The following ZNF737 variants were observed in gnomAD, a reference collection of about 807,000 sequenced individuals.
ZNF737 encodes zinc finger protein 102 (Y3).
Under a neutral mutation model 11.7 loss-of-function variants are expected in ZNF737, and 13 were observed. The observed-to-expected ratio is 1.11, with a 90% CI of 0.73 to 1.77. The LOEUF (loss-of-function observed/expected upper bound fraction) is 1.77. Among genes scored for constraint, ZNF737 ranks in the 40% most tolerant of loss-of-function variants. ZNF737 has a pLI of 0.00. For missense variants in ZNF737, 636 were observed against 638.0 expected (o/e 1.00, Z 0.03); for synonymous variants, 217 against 216.2 (o/e 1.00, Z -0.03).
chr19:20,557,987 A>G (rs1202492970), intron 1 of ZNF737, among the ~76,000 whole-genome samples: 6 of 152,166 alleles, frequency 3.9e-5, no homozygotes, highest in Non-Finnish European at 1.5e-5. Flanking sequence ...TTATATGGCC[A>G]GGAGTGGTGG....
At chr19:20,554,079 G>T (rs571061003) in intron 1 of ZNF737, among the ~76,000 whole-genome samples, 1 of 152,206 alleles carries the variant, frequency 6.6e-6, no homozygotes, top group South Asian at 2.1e-4. Context: ...TAAAATTAAG[G>T]GTATGAACAC....
chr19:20,542,594 T>C lies in ZNF737; in HGVS notation c.*1998A>G. ...AAGTACAAGTAGTAAAGTAATATAC[T>C]CATTTATTTTAATATACTTTTAATT... On this transcript the variant is annotated 3_prime_UTR_variant, in exon 4 of 4. Coordinates refer to ENST00000427401, the MANE Select transcript of ZNF737 (RefSeq NM_001159293.2). 1.0e-6 allele frequency: 1 copy of C among 973,030 alleles called. No individual in the cohort carries two copies. The highest frequency in any genetic ancestry group is 1.2e-6 in the Non-Finnish European group (1 of 818,790). The allele number at this position is 973,030 out of a possible 1,614,324, so 60.3% of individuals were successfully genotyped here.
rs782293368 is a variant in ZNF737 at position 20,540,271 on chromosome 19, T to G, written c.*4321A>C. 8.4e-5 allele frequency: 35 copies of G among 417,936 alleles called. No homozygotes were observed. Among genetic ancestry groups the G allele is most frequent in the Non-Finnish European group, 1.1e-4 (34 of 311,910 alleles). The allele number at this position is 417,936 out of a possible 1,614,324, so 25.9% of individuals were successfully genotyped here. ...TCTTAAAAGCACCTCTGATTAAGTTTAGCACAATCAGGATAATCTCCATTT... is the reference window on the plus strand; with the variant it reads ...TCTTAAAAGCACCTCTGATTAAGTTGAGCACAATCAGGATAATCTCCATTT... On this transcript the variant is annotated 3_prime_UTR_variant, in exon 4 of 4. Transcript: ENST00000427401.
chr19:20,530,411 C>T, the ZNF737 span, among the ~76,000 whole-genome samples: 17 of 148,218 alleles, frequency 1.1e-4, no homozygotes, highest in Admixed American at 9.3e-4. Flanking sequence ...CGGGGGCTGA[C>T]CCCCCACCTC....
rs1555754766 is a variant in ZNF737 at position 20,540,070 on chromosome 19, G to A, written c.*4522C>T. The A allele has an allele frequency of 1.0e-6, 1 of 984,882 alleles. No homozygotes were observed. The highest frequency in any genetic ancestry group is 1.2e-6 in the Non-Finnish European group (1 of 829,786). The allele number at this position is 984,882 out of a possible 1,614,324, so 61.0% of individuals were successfully genotyped here. A position where few individuals can be genotyped will look rare whatever the true frequency, so the allele number is the denominator to read the frequency against. On this transcript the variant is annotated 3_prime_UTR_variant, in exon 4 of 4. Coordinates refer to ENST00000427401, the MANE Select transcript of ZNF737 (RefSeq NM_001159293.2). ...ATGAGATTCCCTTTTTTTTCCCTCT[G>A]CCATAGAATCCTCTTATGTTCCTTA...
rs1968087538 is a variant in ZNF737, at chr19:20,538,946, T to A, written c.*5646A>T. On this transcript the variant is annotated 3_prime_UTR_variant, in exon 4 of 4. Coordinates refer to ENST00000427401, the MANE Select transcript of ZNF737 (RefSeq NM_001159293.2). Reference sequence around the variant, plus strand: ...ATTTACAATCTTCAGTTTTTCAGTGTTAAAGCAAATCAGAGAAGAGCAATG... The same window carrying A: ...ATTTACAATCTTCAGTTTTTCAGTGATAAAGCAAATCAGAGAAGAGCAATG... The A allele has an allele frequency of 1.0e-6, 1 of 985,254 alleles. No individual in the cohort carries two copies. Among genetic ancestry groups the A allele is most frequent in the South Asian group, 4.7e-5 (1 of 21,284 alleles). The allele number at this position is 985,254 out of a possible 1,614,324, so 61.0% of individuals were successfully genotyped here.
Position 20,545,972 on chromosome 19 carries a change from C to T in ZNF737, c.231G>A (p.Thr77=), listed in dbSNP as rs192343901. 1.3e-4 allele frequency: 195 copies of T among 1,539,904 alleles called. 1 individual carries two copies. In the Middle Eastern group the frequency reaches 2.1e-3, roughly 17 times the overall value. ...AAAGATCTCGGGCAAAATGAGAACA[C>T]GTAACTGAAAGAAACAATAAAAGCA... ...KHEMVANPSV[T]CSHFARDLWP... Residue 77 remains threonine (T), a synonymous_variant, in exon 4 of 4, where the codon ACG becomes ACA. Transcript: ENST00000427401.
chr19:20,558,600 CT>C (rs1309376670), intron 1 of ZNF737, among the ~76,000 whole-genome samples: 1 of 152,114 alleles, frequency 6.6e-6, no homozygotes. Flanking sequence ...TACTAGGAAA[CT>C]GGAGAAACTC....
chr19:20,534,742 A>G (rs1967917487), downstream of ZNF737, among the ~76,000 whole-genome samples: 1 of 149,910 alleles, frequency 6.7e-6, no homozygotes, highest in Non-Finnish European at 1.5e-5. Flanking sequence ...TTTTATGCTG[A>G]CCAATTTGAT....
At position 20,543,530 on chromosome 19, in the gene ZNF737, T is replaced by G. The variant is rs540407531; in HGVS notation, c.*1062A>C. The G allele has an allele frequency of 2.0e-6, 2 of 985,270 alleles. No individual in the cohort carries two copies. Among genetic ancestry groups the G allele is most frequent in the East Asian group, 2.3e-4 (2 of 8,808 alleles). The allele number at this position is 985,270 out of a possible 1,614,324, so 61.0% of individuals were successfully genotyped here. ...GGAATTAATAGGTTTTCCATATTCCTTCTATTTGTACAATTTTTCTCAAGG... is the reference window on the plus strand; with the variant it reads ...GGAATTAATAGGTTTTCCATATTCCGTCTATTTGTACAATTTTTCTCAAGG... On this transcript the variant is annotated 3_prime_UTR_variant, in exon 4 of 4. Coordinates refer to ENST00000427401, the MANE Select transcript of ZNF737 (RefSeq NM_001159293.2).
chr19:20,543,847 G>A lies in ZNF737; in HGVS notation c.*745C>T, dbSNP rs1568424850. On this transcript the variant is annotated 3_prime_UTR_variant, in exon 4 of 4. Transcript: ENST00000427401. ...GCCTCTTAAGAATTGAGAACTTGTG[G>A]CTGGGCGTCGTGGCTCACGCCTGTA... 1 of 985,288 alleles carries A rather than the reference G, an allele frequency of 1.0e-6. No individual in the cohort carries two copies. Among genetic ancestry groups the A allele is most frequent in the Non-Finnish European group, 1.2e-6 (1 of 829,938 alleles). 61.0% of individuals were successfully genotyped at this position (985,288 alleles called of 1,614,324 possible).
chr19:20,542,668 T>C lies in ZNF737; in HGVS notation c.*1924A>G, dbSNP rs1308846317. 15 of 982,844 alleles carry C rather than the reference T, an allele frequency of 1.5e-5. No homozygotes were observed. Among genetic ancestry groups the C allele is most frequent in the Non-Finnish European group, 1.7e-5 (14 of 827,688 alleles). The allele number at this position is 982,844 out of a possible 1,614,324, so 60.9% of individuals were successfully genotyped here. ...AGTATTGCTCTGAACATTTACGTTA[T>C]ACATTACTTAATAGAATTTTACTAC... On this transcript the variant is annotated 3_prime_UTR_variant, in exon 4 of 4. Transcript: ENST00000427401.
chr19:20,551,215 C>G (rs1200993408), intron 3 of ZNF737: 1 of 152,068 alleles, frequency 6.6e-6, no homozygotes, highest in Non-Finnish European at 1.5e-5. Context: ...CATCTGAGGT[C>G]AGGAGTTTGA....
At chr19:20,533,850 C>T (rs1484114158), downstream of ZNF737, among the ~76,000 whole-genome samples, 2 of 150,044 alleles carry the variant, frequency 1.3e-5, no homozygotes, top group African/African-American at 2.5e-5. Context: ...TTCACCTGGA[C>T]TGATCAGTTG....
Position 20,539,050 on chromosome 19 carries a change from C to A in ZNF737, c.*5542G>T, listed in dbSNP as rs1289979390. On this transcript the variant is annotated 3_prime_UTR_variant, in exon 4 of 4. Coordinates refer to ENST00000427401, the MANE Select transcript of ZNF737 (RefSeq NM_001159293.2). Reference sequence around the variant, plus strand: ...GTGGCTCATGCCTGTAATCCCAGCACTCTGGGAGGCTGAGGTGGATGGATC... The same window carrying A: ...GTGGCTCATGCCTGTAATCCCAGCAATCTGGGAGGCTGAGGTGGATGGATC... The A allele has an allele frequency of 2.9e-5, 27 of 940,992 alleles. No homozygotes were observed. Among genetic ancestry groups the A allele is most frequent in the Non-Finnish European group, 3.4e-5 (27 of 789,704 alleles). 58.3% of individuals were successfully genotyped at this position (940,992 alleles called of 1,614,324 possible). A position where few individuals can be genotyped will look rare whatever the true frequency, so the allele number is the denominator to read the frequency against.
In ZNF737 at chr19:20,543,916, T is replaced by G; in HGVS notation, c.*676A>C. 3.5e-6 allele frequency: 3 copies of G among 867,724 alleles called. No homozygotes were observed. Among genetic ancestry groups the G allele is most frequent in the Non-Finnish European group, 4.1e-6 (3 of 723,372 alleles). 53.8% of individuals were successfully genotyped at this position (867,724 alleles called of 1,614,324 possible). A position where few individuals can be genotyped will look rare whatever the true frequency, so the allele number is the denominator to read the frequency against. On this transcript the variant is annotated 3_prime_UTR_variant, in exon 4 of 4. Coordinates refer to ENST00000427401, the MANE Select transcript of ZNF737 (RefSeq NM_001159293.2). The stretch of plus-strand genomic sequence containing the variant: ...GCCAAGGTGGGTGGATCACCTGAGG[T>G]CAGGAGTTCGAGACCAGCCTGGCAA...
the ZNF737 span, among the ~76,000 whole-genome samples, chr19:20,530,588 CG>C: frequency 6.8e-6 from 1 of 146,518 alleles, no homozygotes; most frequent in Non-Finnish European, 1.5e-5. Context: ...ACCTCCCAGA[CG>C]GGGTCGTGGC....
chr19:20,565,494 G>A, intron 1 of ZNF737, 144 bp downstream of exon 1: 1 of 1,424,518 alleles, frequency 7.0e-7, no homozygotes, highest in Middle Eastern at 1.7e-4. Flanking sequence ...GGCTGAACGG[G>A]ACTGAGGCCG....
Position 20,539,195 on chromosome 19 carries a change from C to T in ZNF737, c.*5397G>A, listed in dbSNP as rs889903525. ...ATCCCAGCTACTCAGGAGGCTGAGG[C>T]GGAAGAATCACTTGAACCAGGGAGG... On this transcript the variant is annotated 3_prime_UTR_variant, in exon 4 of 4. Coordinates refer to ENST00000427401, the MANE Select transcript of ZNF737 (RefSeq NM_001159293.2). 18 of 677,216 alleles carry T rather than the reference C, an allele frequency of 2.7e-5. No individual in the cohort carries two copies. The highest frequency in any genetic ancestry group is 7.6e-4 in the Middle Eastern group (1 of 1,322). 42.0% of individuals were successfully genotyped at this position (677,216 alleles called of 1,614,324 possible). A position where few individuals can be genotyped will look rare whatever the true frequency, so the allele number is the denominator to read the frequency against.
Sources: allele counts gnomAD v4.1 joint callset (sites outside exome capture counted in the v4.1 genomes callset), GRCh38; gene constraint gnomAD v4.1.1; transcripts MANE v1.5; gene names NCBI Gene and HGNC (gene_info 2026-07-23, HGNC 2026-07-21).